Variants in USP36 observed in about 807,000 individuals in gnomAD.
The protein encoded by USP36 is ubiquitin specific peptidase 36.
Under a neutral mutation model 111.5 loss-of-function variants are expected in USP36, and 59 were observed. The ratio of observed to expected loss-of-function variants is 0.53; its 90% confidence interval spans 0.43 to 0.66. The LOEUF (loss-of-function observed/expected upper bound fraction) is 0.66. USP36 is among the 30% of genes least tolerant of loss of function. USP36 has a pLI of 0.00. For missense variants in USP36, 1,488 were observed against 1,468.0 expected, an observed-to-expected ratio of 1.01 and a Z score of -0.22; for synonymous variants, 628 against 581.0, an observed-to-expected ratio of 1.08 and a Z score of -1.16.
chr17:78,803,897 G>A lies in USP36; in HGVS notation c.2298C>T (p.Pro766=), dbSNP rs780116907. ...GTGGTTCTGACGTCCCTGGGGGCTT[G>A]GGGGTACTGGACAGCAATGTGGGGT... ...SPHPTLLSST[P]KPPGTSEPRS... Residue 766 remains proline (P), a synonymous_variant, in exon 16 of 21, where the codon CCC becomes CCT. Transcript: ENST00000449938. The surrounding 1 kb of genome is among the most constrained non-coding windows in gnomAD (Gnocchi z 4.6). 6.2e-7 allele frequency: 1 copy of A among 1,611,268 alleles called. No homozygotes were observed. The highest frequency in any genetic ancestry group is 8.5e-7 in the Non-Finnish European group (1 of 1,179,586).
At position 78,818,651 on chromosome 17, in the gene USP36, T is replaced by A. The variant is rs754993058; in HGVS notation, c.1023+16A>T. 6.2e-7 allele frequency: 1 copy of A among 1,611,786 alleles called. No individual in the cohort carries two copies. The highest frequency in any genetic ancestry group is 8.5e-7 in the Non-Finnish European group (1 of 1,178,014). ...TGGCCCACGGAGCTGCCTGGGATGG[T>A]GTCACGAGCGCTCACCTTGGTGATC... On this transcript the variant is annotated intron_variant, in intron 10 of 20. Transcript: ENST00000449938.
At position 78,800,643 on chromosome 17, in the gene USP36, G is replaced by A. The variant is rs1016572596; in HGVS notation, c.3023-875C>T. ...CAGCCCAGGGACCCGGCCATGCAGA[G>A]CAGCCTGCCTGCTCCCAACGTGCTG... On this transcript the variant is annotated intron_variant, in intron 17 of 20. Transcript: ENST00000449938. Among the ~76,000 whole-genome samples, 6 of 152,210 alleles carry A rather than the reference G, an allele frequency of 3.9e-5. No individual in the cohort carries two copies. In the East Asian group the frequency reaches 7.7e-4, roughly 20 times the overall value.
intron 13 of USP36, among the ~76,000 whole-genome samples, chr17:78,811,405 A>G (rs922039146): frequency 3.9e-5 from 6 of 152,206 alleles, no homozygotes; most frequent in African/African-American, 1.4e-4. Flanking sequence ...GCATATACAC[A>G]TATTTCTATT....
At chr17:78,793,208 G>GT (rs552705615), downstream of USP36, among the ~76,000 whole-genome samples, 588 of 152,272 alleles carry the variant, frequency 3.9e-3, 3 homozygotes, top group African/African-American at 0.013. Flanking sequence ...TCCCCATGTT[G>GT]TTTAATTTTG....
Position 78,798,291 on chromosome 17 carries a change from C to T in USP36, c.*20+109G>A, listed in dbSNP as rs912688705. ...CCACCCAACACACATGTGCCAGATA[C>T]ACAGCCCACATACATCATACACACA... On this transcript the variant is annotated intron_variant, in intron 20 of 20. Coordinates refer to ENST00000449938, the MANE Select transcript of USP36 (RefSeq NM_001385174.1). The surrounding 1 kb of genome is among the most constrained non-coding windows in gnomAD (Gnocchi z 5.1). 4.2e-6 allele frequency: 6 copies of T among 1,417,940 alleles called. No homozygotes were observed. In the African/African-American group the frequency reaches 8.6e-5, roughly 20 times the overall value. The allele number at this position is 1,417,940 out of a possible 1,614,324, so 87.8% of individuals were successfully genotyped here. A position where few individuals can be genotyped will look rare whatever the true frequency, so the allele number is the denominator to read the frequency against.
chr17:78,803,682 G>A lies in USP36; in HGVS notation c.2513C>T (p.Ala838Val), dbSNP rs767156870. 18 of 1,609,784 alleles carry A rather than the reference G, an allele frequency of 1.1e-5. No homozygotes were observed. Among genetic ancestry groups the A allele is most frequent in the African/African-American group, 2.7e-5 (2 of 74,714 alleles). The change falls in exon 16 of 21, where the codon GCG becomes GTG. Residue 838 changes from alanine (A) to valine (V), a missense_variant. Around this residue, in one of 3 missense-constraint regions of USP36, gnomAD observed 1,073 missense variants for 994.1 expected, o/e 1.08. Transcript: ENST00000449938. The surrounding 1 kb of genome is among the most constrained non-coding windows in gnomAD (Gnocchi z 4.6). ...CCTCTTCCTCTTCCCGTGGGGAGCCGCAGTGGCCTCCCTGATGTGCTGTGG... is the reference window on the plus strand; with the variant it reads ...CCTCTTCCTCTTCCCGTGGGGAGCCACAGTGGCCTCCCTGATGTGCTGTGG... ...RLPQHIREAT[A>V]APHGKRKRKK...
chr17:78,809,684 C>T (rs1220556159), intron 13 of USP36, among the ~76,000 whole-genome samples: 6 of 151,886 alleles, frequency 4.0e-5, no homozygotes, highest in African/African-American at 7.2e-5. Context: ...CAGGCTGGAG[C>T]GCAGTGGCAC....
downstream of USP36, chr17:78,791,929 A>G (rs1017504179): frequency 2.6e-5 from 4 of 152,254 alleles, no homozygotes; most frequent in Non-Finnish European, 5.9e-5. Flanking sequence ...TCTACAGTAG[A>G]GATCCTGACA....
At chr17:78,828,867 A>C in intron 5 of USP36, 30 bp downstream of exon 5, 1 of 1,605,384 alleles carries the variant, frequency 6.2e-7, no homozygotes, top group Admixed American at 1.7e-5. Flanking sequence ...TAAATAAATC[A>C]CAAAAATTTT....
intron 13 of USP36, 115 bp from the exon 14 acceptor site, chr17:78,807,751 T>C: frequency 9.6e-7 from 1 of 1,039,118 alleles, no homozygotes; most frequent in Non-Finnish European, 1.3e-6. Context: ...ATTAGCATGC[T>C]CAAGATAAAT....
chr17:78,791,809 T>C (rs1399250127), downstream of USP36: 2 of 152,272 alleles, frequency 1.3e-5, no homozygotes, highest in African/African-American at 4.8e-5. Flanking sequence ...AAGATTGTCC[T>C]GGAGGCCAGG....
In USP36 at chr17:78,815,789, TAC is replaced by T. The variant is rs560615631; in HGVS notation, c.1024-1239_1024-1238del. Reference sequence around the variant, plus strand: ...CGCATAAAATACATGCACACATATATACATACATGCATACATACATCGTATAC... The same window carrying T: ...CGCATAAAATACATGCACACATATATATACATGCATACATACATCGTATAC... On this transcript the variant is annotated intron_variant, in intron 10 of 20. Transcript: ENST00000449938. 1.9e-3 allele frequency among the ~76,000 whole-genome samples: 289 copies of T among 152,220 alleles called. 1 individual carries two copies. The highest frequency in any genetic ancestry group is 3.5e-3 in the Non-Finnish European group (236 of 68,006).
At chr17:78,826,845 C>A (rs940694597) in intron 6 of USP36, 2 of 548,452 alleles carry the variant, frequency 3.6e-6, no homozygotes, top group Non-Finnish European at 6.5e-6. Flanking sequence ...ACTGCAGAGA[C>A]CTCATTCCTA....
chr17:78,828,325 T>C (rs553467064), intron 5 of USP36, among the ~76,000 whole-genome samples: 1 of 152,322 alleles, frequency 6.6e-6, no homozygotes, highest in African/African-American at 2.4e-5. Context: ...AAACCGGTAA[T>C]AGGCCTCTTC....
intron 2 of USP36, among the ~76,000 whole-genome samples, chr17:78,837,332 G>A (rs946237535): frequency 6.6e-6 from 1 of 152,010 alleles, no homozygotes; most frequent in African/African-American, 2.4e-5. Context: ...CTTATCAAAA[G>A]AGAAGAAGAA....
intron 13 of USP36, among the ~76,000 whole-genome samples, chr17:78,808,078 T>C (rs557321020): frequency 6.6e-6 from 1 of 152,324 alleles, no homozygotes; most frequent in East Asian, 1.9e-4. Flanking sequence ...GAGAAAAAAG[T>C]ATAAAGGAAG....
At position 78,802,488 on chromosome 17, in the gene USP36, G is replaced by A. The variant is rs1268426395; in HGVS notation, c.2858C>T (p.Pro953Leu). Residue 953 changes from proline to leucine, a missense_variant, in exon 17 of 21, where the codon CCA becomes CTA. By Grantham distance (98) the Pro-to-Leu change is moderately conservative. Around this residue, in one of 3 missense-constraint regions of USP36, gnomAD observed 1,073 missense variants for 994.1 expected, o/e 1.08. Coordinates refer to ENST00000449938, the MANE Select transcript of USP36 (RefSeq NM_001385174.1). ...TCTTTTTTTCTTTTTCTTTTTCCTT[G>A]GAGACTCTTCCATGGCCTCTGGATC... ...DGDPEAMEES[P>L]RKKKKKKRKQ... 2.5e-6 allele frequency: 4 copies of A among 1,608,450 alleles called. No individual in the cohort carries two copies. Among genetic ancestry groups the A allele is most frequent in the Non-Finnish European group, 3.4e-6 (4 of 1,179,730 alleles).
intron 10 of USP36, among the ~76,000 whole-genome samples, chr17:78,816,801 G>T (rs1417933764): frequency 6.6e-6 from 1 of 152,108 alleles, no homozygotes; most frequent in African/African-American, 2.4e-5. Context: ...AAACTGAGTT[G>T]TGGGATTTGT....
At position 78,839,124 on chromosome 17, in the gene USP36, G is replaced by T. The variant is rs575193163; in HGVS notation, c.-173-374C>A. Among the ~76,000 whole-genome samples the T allele has an allele frequency of 1.7e-4, 26 of 152,286 alleles. No homozygotes were observed. In the South Asian group the frequency reaches 5.4e-3, roughly 32 times the overall value. Reference sequence around the variant, plus strand: ...CAACAACAAACCTCAGGGAGTAATAGGAGTTGCCAAAATTTTGCTTTGCTA... The same window carrying T: ...CAACAACAAACCTCAGGGAGTAATATGAGTTGCCAAAATTTTGCTTTGCTA... On this transcript the variant is annotated intron_variant, in intron 1 of 20. Coordinates refer to ENST00000449938, the MANE Select transcript of USP36 (RefSeq NM_001385174.1).
Sources: gnomAD v4.1 joint callset for allele counts (sites outside exome capture counted in the v4.1 genomes callset) on GRCh38, gnomAD v4.1.1 for gene constraint, gnomAD v4.1.1 regional missense constraint, Gnocchi (gnomAD v3.1) non-coding constraint, MANE v1.5 for transcripts, NCBI Gene and HGNC (gene_info 2026-07-23, HGNC 2026-07-21) for gene names.